The following SDK1 variants were observed in gnomAD, a reference collection of about 807,000 sequenced individuals.
SDK1 encodes protein sidekick-1.
SDK1 carries 157 observed loss-of-function variants against 245.5 expected under a neutral mutation model. That is an observed-to-expected ratio of 0.64 (90% confidence interval 0.56 to 0.73). SDK1 has a LOEUF of 0.73. Among genes scored for constraint, SDK1 ranks in the 30% least tolerant of loss-of-function variants. The pLI, the probability that SDK1 is intolerant of heterozygous loss-of-function variation, is 0.00. For synonymous variants in SDK1, 1,647 were observed against 1,278.5 expected (o/e 1.29, Z -6.15); for missense variants, 3,583 against 3,002.3 (o/e 1.19, Z -4.52).
intron 4 of SDK1, among the ~76,000 whole-genome samples, chr7:3,682,413 A>G (rs1017664728): frequency 2.4e-5 from 2 of 83,714 alleles, no homozygotes; most frequent in East Asian, 6.4e-4. Context: ...CTCCTCTATA[A>G]TGAAGCTGTC....
At chr7:4,052,376 AAAGATTTATATATATAC>A (rs1283222369) in intron 19 of SDK1, among the ~76,000 whole-genome samples, 3 of 152,174 alleles carry the variant, frequency 2.0e-5, no homozygotes, top group African/African-American at 7.2e-5. Flanking sequence ...AGATGCACAC[AAAGATTTATATATATAC>A]AAGGCGGCTC....
chr7:4,223,141 G>A (rs1785236822), intron 40 of SDK1, among the ~76,000 whole-genome samples: 1 of 152,056 alleles, frequency 6.6e-6, no homozygotes. Flanking sequence ...TCAAAAGCAG[G>A]TTGGTGGGGG....
intron 1 of SDK1, among the ~76,000 whole-genome samples, chr7:3,398,197 T>C (rs1331668905): frequency 6.6e-6 from 1 of 152,132 alleles, no homozygotes; most frequent in Admixed American, 6.6e-5. Flanking sequence ...CTTGCTTTTT[T>C]CTCCTTTATT....
chr7:3,389,554 G>T (rs7806280), intron 1 of SDK1, among the ~76,000 whole-genome samples: 4,161 of 152,202 alleles, frequency 0.027, 162 homozygotes, highest in African/African-American at 0.081. Flanking sequence ...AGATAATAAA[G>T]GTATGTTATT....
At chr7:3,681,626 C>A (rs1452116623) in intron 4 of SDK1, among the ~76,000 whole-genome samples, 1 of 152,174 alleles carries the variant, frequency 6.6e-6, no homozygotes, top group South Asian at 2.1e-4. Flanking sequence ...TTATGTGTCT[C>A]CCATCACTAA....
chr7:3,321,777 T>TCTCC (rs1491552174), intron 1 of SDK1, among the ~76,000 whole-genome samples: 669 of 35,960 alleles, frequency 0.019, 11 homozygotes, highest in African/African-American at 0.084. Flanking sequence ...CTTCCTTCCT[T>TCTCC]CTCCTTCCTT....
At chr7:3,474,970 T>C (rs777857686) in intron 1 of SDK1, among the ~76,000 whole-genome samples, 19 of 152,212 alleles carry the variant, frequency 1.2e-4, no homozygotes, top group Non-Finnish European at 2.2e-4. Flanking sequence ...GAATTGCAGG[T>C]GTGAGCCACC....
At chr7:3,483,635 A>G (rs773130755) in intron 1 of SDK1, among the ~76,000 whole-genome samples, 5 of 152,182 alleles carry the variant, frequency 3.3e-5, no homozygotes, top group Non-Finnish European at 7.4e-5. Flanking sequence ...ATTTTAATGG[A>G]TGCTTCTAAT....
chr7:3,614,550 A>G (rs961504052), intron 1 of SDK1, among the ~76,000 whole-genome samples: 1 of 152,362 alleles, frequency 6.6e-6, no homozygotes, highest in Non-Finnish European at 1.5e-5. Context: ...GTATGTAAAG[A>G]TCAAATGCTT....
At chr7:4,189,659 G>A (rs1464658783) in intron 35 of SDK1, among the ~76,000 whole-genome samples, 1 of 152,154 alleles carries the variant, frequency 6.6e-6, no homozygotes, top group Non-Finnish European at 1.5e-5. Context: ...AAACCAGCCT[G>A]GTGAAACCCC....
intron 14 of SDK1, among the ~76,000 whole-genome samples, chr7:4,005,191 G>A (rs2128146133): frequency 6.6e-6 from 1 of 151,642 alleles, no homozygotes; most frequent in African/African-American, 2.4e-5. Flanking sequence ...GAATACAGGT[G>A]CATGACACCA....
chr7:3,811,127 G>C (rs1380973986), intron 4 of SDK1, among the ~76,000 whole-genome samples: 1 of 152,186 alleles, frequency 6.6e-6, no homozygotes, highest in Non-Finnish European at 1.5e-5. Flanking sequence ...CATGGAATTT[G>C]TAGCTTCTGA....
chr7:4,176,580 A>G (rs1584374658), intron 34 of SDK1, among the ~76,000 whole-genome samples: 1 of 152,304 alleles, frequency 6.6e-6, no homozygotes, highest in East Asian at 1.9e-4. Flanking sequence ...TGCAGCCGTC[A>G]CCATCATTCT....
At chr7:4,108,207 G>A (rs1783074519) in intron 22 of SDK1, among the ~76,000 whole-genome samples, 1 of 152,166 alleles carries the variant, frequency 6.6e-6, no homozygotes, top group Non-Finnish European at 1.5e-5. Context: ...CGCGATGGAG[G>A]AAGGCAGCTG....
At chr7:3,782,274 G>A (rs1317476059) in intron 4 of SDK1, among the ~76,000 whole-genome samples, 1 of 152,144 alleles carries the variant, frequency 6.6e-6, no homozygotes, top group African/African-American at 2.4e-5. Context: ...ATGGGAAAAG[G>A]TCTCCAACTC....
chr7:4,227,979 G>C (rs1345147474), intron 40 of SDK1, among the ~76,000 whole-genome samples: 3 of 152,200 alleles, frequency 2.0e-5, no homozygotes, highest in African/African-American at 7.2e-5. Flanking sequence ...ATACAGAAAA[G>C]ATTTCTTTTT....
At chr7:3,984,543 C>T (rs1350737938) in intron 13 of SDK1, among the ~76,000 whole-genome samples, 2 of 152,190 alleles carry the variant, frequency 1.3e-5, no homozygotes, top group South Asian at 2.1e-4. Context: ...ACAGGTCACC[C>T]ATTTCTGTTG....
In SDK1 at chr7:4,245,762, G is replaced by A. The variant is rs777353274; in HGVS notation, c.6338G>A (p.Ser2113Asn). The A allele has an allele frequency of 1.2e-6, 2 of 1,614,012 alleles. No individual in the cohort carries two copies. The highest frequency in any genetic ancestry group is 1.7e-6 in the Non-Finnish European group (2 of 1,179,970). ...TACAACGGCGCCGTGCTGACCGAGAGCGTGAGCCTCAAGGAGAAGTCGGCA... is the reference window on the plus strand; with the variant it reads ...TACAACGGCGCCGTGCTGACCGAGAACGTGAGCCTCAAGGAGAAGTCGGCA... ...NKYNGAVLTE[S>N]VSLKEKSADA... Residue 2113 changes from serine (S) to asparagine (N), a missense_variant, in exon 44 of 45, where the codon AGC becomes AAC. Ser to Asn is a conservative substitution (Grantham distance 46). Transcript: ENST00000404826.
In SDK1 at chr7:4,114,080, G is replaced by A; in HGVS notation, c.3629G>A (p.Gly1210Asp). 1.2e-6 allele frequency: 2 copies of A among 1,614,230 alleles called. No individual in the cohort carries two copies. The highest frequency in any genetic ancestry group is 1.1e-5 in the South Asian group (1 of 91,090). Reference sequence around the variant, plus strand: ...TACAACGGGAACCCCGAGTCCGTGGGCTACAGGATTAAGTACTGGCGCTCA... The same window carrying A: ...TACAACGGGAACCCCGAGTCCGTGGACTACAGGATTAAGTACTGGCGCTCA... ...SQYNGNPESV[G>D]YRIKYWRSDL... The change falls in exon 25 of 45, where the codon GGC becomes GAC. Residue 1210 changes from glycine to aspartate, a missense_variant. By Grantham distance (94) the Gly-to-Asp change is moderately conservative. Coordinates refer to ENST00000404826, the MANE Select transcript of SDK1 (RefSeq NM_152744.4).
Sources: allele counts gnomAD v4.1 joint callset (sites outside exome capture counted in the v4.1 genomes callset), GRCh38; gene constraint gnomAD v4.1.1; transcripts MANE v1.5; gene names NCBI Gene and HGNC (gene_info 2026-07-23, HGNC 2026-07-21).